The following FN1 variants were observed in gnomAD, a reference collection of about 807,000 sequenced individuals.
FN1 encodes the protein fibronectin.
In FN1, 106 loss-of-function variants were observed where a neutral mutation model predicts 297.3. The ratio of observed to expected loss-of-function variants is 0.36; its 90% CI spans 0.30 to 0.42. The LOEUF is 0.42. Ranked by LOEUF, FN1 falls within the 10% of genes least tolerant of loss-of-function variation. FN1 has a pLI of 1.00. For synonymous variants in FN1, 1,149 were observed against 1,152.6 expected, an observed-to-expected ratio of 1.00 and a Z score of 0.06; for missense variants, 2,690 against 3,124.9, an observed-to-expected ratio of 0.86 and a Z score of 3.32.
chr2:215,395,840 CAT>C (rs1288210341), intron 23 of FN1, among the ~76,000 whole-genome samples: 1 of 152,172 alleles, frequency 6.6e-6, no homozygotes, highest in Non-Finnish European at 1.5e-5. Flanking sequence ...AGTGGTCATC[CAT>C]ATGTGTGGGC....
At chr2:215,407,957 C>CG in intron 17 of FN1, 151 bp downstream of exon 17, 4 of 45,596 alleles carry the variant, frequency 8.8e-5, no homozygotes, top group Non-Finnish European at 1.3e-4. Flanking sequence ...ACCCCCGCCA[C>CG]ACACACACAC....
In FN1 at chr2:215,372,199, T is replaced by G. The variant is rs753630886; in HGVS notation, c.6424A>C (p.Ile2142Leu). The G allele has an allele frequency of 1.9e-6, 3 of 1,614,176 alleles. No individual in the cohort carries two copies. The highest frequency in any genetic ancestry group is 4.5e-5 in the East Asian group (2 of 44,876). ...GQQPSVGQQM[I>L]FEEHGFRRTT... is the part of the protein sequence containing the mutation. ...CGCCTAAAACCATGTTCCTCAAAGA[T>G]CATTTGTTGCCCAACACTGGGTTGC... Residue 2142 changes from isoleucine to leucine, a missense_variant, in exon 40 of 46, where the codon ATC becomes CTC. Coordinates refer to ENST00000354785, the MANE Select transcript of FN1 (RefSeq NM_212482.4).
chr2:215,383,275 T>TG, intron 31 of FN1, 53 bp downstream of exon 31: 1 of 1,587,934 alleles, frequency 6.3e-7, no homozygotes, highest in Non-Finnish European at 8.6e-7. Flanking sequence ...CCCAAAGTTC[T>TG]GGGATTATAG....
chr2:215,428,910 G>GA (rs2065969252), intron 5 of FN1, among the ~76,000 whole-genome samples: 1 of 152,144 alleles, frequency 6.6e-6, no homozygotes, highest in South Asian at 2.1e-4. Flanking sequence ...AGCTACTCGG[G>GA]AAGCTGAGGC....
At chr2:215,389,903 G>T (rs780755820) in intron 26 of FN1, among the ~76,000 whole-genome samples, 2 of 152,240 alleles carry the variant, frequency 1.3e-5, no homozygotes, top group Non-Finnish European at 2.9e-5. Context: ...AGCCTGTGCA[G>T]CATGTTACTG....
intron 36 of FN1, 81 bp from the exon 37 acceptor site, chr2:215,375,799 G>T: frequency 1.1e-6 from 1 of 894,434 alleles, no homozygotes; most frequent in Non-Finnish European, 1.9e-6. Flanking sequence ...AATTTTTCTG[G>T]GTTCTTCTAT....
intron 32 of FN1, chr2:215,381,884 A>G: frequency 2.7e-6 from 1 of 364,786 alleles, no homozygotes; most frequent in South Asian, 2.2e-5. Flanking sequence ...ACTTCAATCA[A>G]CTTTACCATC....
Position 215,392,931 on chromosome 2 carries a change from C to A in FN1, c.4069G>T (p.Ala1357Ser). 1.2e-6 allele frequency: 2 copies of A among 1,612,368 alleles called. No homozygotes were observed. Among genetic ancestry groups the A allele is most frequent in the African/African-American group, 2.7e-5 (2 of 74,960 alleles). Residue 1357 changes from alanine (A) to serine (S), a missense_variant and splice_region_variant, in exon 25 of 46, where the codon GCT becomes TCT. Around this residue, in one of 3 missense-constraint regions of FN1, gnomAD observed 1,743 missense variants for 1,945.2 expected, o/e 0.90. Coordinates refer to ENST00000354785, the MANE Select transcript of FN1 (RefSeq NM_212482.4). ...SAPTTLTQQT[A>S]VPPPTDLRFT... ...AAACGCAGAAGTTTTCAAAATTCAC[C>A]CGTTTGTTGTGTCAGTGTAGTAGGG...
chr2:215,432,366 C>T (rs2066677884), intron 3 of FN1, among the ~76,000 whole-genome samples: 1 of 152,138 alleles, frequency 6.6e-6, no homozygotes, highest in African/African-American at 2.4e-5. Flanking sequence ...GCATGGAGAG[C>T]CTGTATTTTA....
intron 1 of FN1, 75 bp downstream of exon 1, chr2:215,435,580 C>CT: frequency 6.3e-7 from 1 of 1,597,846 alleles, no homozygotes; most frequent in Non-Finnish European, 8.5e-7. Context: ...GCGCACAAAA[C>CT]TTCAGCCCCA....
chr2:215,428,794 G>A (rs1381859770), intron 5 of FN1, among the ~76,000 whole-genome samples: 2 of 152,132 alleles, frequency 1.3e-5, no homozygotes, highest in Non-Finnish European at 1.5e-5. Context: ...TGGATCACCT[G>A]CAGTCAGGAG....
rs1029853514 is a variant in FN1, at chr2:215,364,867, A to G, written c.7251+12T>C. On this transcript the variant is annotated intron_variant, in intron 44 of 45. Transcript: ENST00000354785. ...ATCTAACTTGTAGGGAGCCTGGCAC[A>G]TCCAGTCTTACCCGCTGGCCTCCAA... 2 of 1,535,430 alleles carry G rather than the reference A, an allele frequency of 1.3e-6. No homozygotes were observed. Among genetic ancestry groups the G allele is most frequent in the African/African-American group, 2.7e-5 (2 of 73,158 alleles).
Position 215,376,640 on chromosome 2 carries a change from A to G in FN1, c.5745T>C (p.Asp1915=). The G allele has an allele frequency of 6.2e-7, 1 of 1,613,718 alleles. No individual in the cohort carries two copies. Among genetic ancestry groups the G allele is most frequent in the South Asian group, 1.1e-5 (1 of 91,018 alleles). ...VSPPRRARVT[D]ATETTITISW... ...TAATGGTGATGGTGGTCTCAGTAGC[A>G]TCTGTCACACGAGCCCTTCTTGGTG... is the stretch of plus-strand genomic sequence containing the variant. Residue 1915 remains aspartate, a synonymous_variant, in exon 36 of 46, where the codon GAT becomes GAC. Transcript: ENST00000354785.
chr2:215,410,527 G>T (rs191980011), intron 13 of FN1, among the ~76,000 whole-genome samples: 4,603 of 140,854 alleles, frequency 0.033, 242 homozygotes, highest in African/African-American at 0.11. Context: ...TTTTTTTTGA[G>T]ACAGAGTTTT....
chr2:215,386,961 GT>G lies in FN1; in HGVS notation c.4343-4del. The stretch of plus-strand genomic sequence containing the variant: ...AATGCCAGTTGGGGAATCAAGACCT[GT>G]TTTTCCCACCCGGGGGAGGAAGAGA... On this transcript the variant is annotated splice_region_variant and splice_polypyrimidine_tract_variant and intron_variant, in intron 27 of 45. Transcript: ENST00000354785. 1.2e-6 allele frequency: 2 copies of G among 1,609,236 alleles called. No homozygotes were observed. Among genetic ancestry groups the G allele is most frequent in the Admixed American group, 1.7e-5 (1 of 59,558 alleles).
chr2:215,430,987 T>C (rs1228349201), intron 4 of FN1, 135 bp from the exon 5 acceptor site: 3 of 854,796 alleles, frequency 3.5e-6, no homozygotes, highest in South Asian at 1.4e-5. Flanking sequence ...TCAGAAAGAA[T>C]GACACACCCA....
chr2:215,433,959 G>A (rs1257411959), intron 2 of FN1, among the ~76,000 whole-genome samples: 1 of 152,194 alleles, frequency 6.6e-6, no homozygotes, highest in African/African-American at 2.4e-5. Context: ...AAAATTAGCT[G>A]GGTGTGGTGG....
chr2:215,434,949 A>C (rs2067206824), intron 1 of FN1, 125 bp from the exon 2 acceptor site: 3 of 1,078,810 alleles, frequency 2.8e-6, no homozygotes, highest in Non-Finnish European at 4.1e-6. Context: ...AGTTATATAC[A>C]ATGATGTCAT....
chr2:215,393,446 T>A lies in FN1; in HGVS notation c.3797-243A>T, dbSNP rs2692229. On this transcript the variant is annotated intron_variant, in intron 24 of 45. Coordinates refer to ENST00000354785, the MANE Select transcript of FN1 (RefSeq NM_212482.4). ...TTAGGGAATATATATATATATATAT[T>A]TTTTACATTTTGAAAACATCCTTAA... The A allele has an allele frequency of 5.5e-3, 850 of 154,144 alleles. 1 individual carries two copies. Among genetic ancestry groups the A allele is most frequent in the East Asian group, 0.034 (194 of 5,788 alleles). The allele number at this position is 154,144 out of a possible 1,614,324, so 9.5% of individuals were successfully genotyped here. A position where few individuals can be genotyped will look rare whatever the true frequency, so the allele number is the denominator to read the frequency against.
Sources: gnomAD v4.1 joint callset for allele counts (sites outside exome capture counted in the v4.1 genomes callset) on GRCh38, gnomAD v4.1.1 for gene constraint, gnomAD v4.1.1 regional missense constraint, MANE v1.5 for transcripts, NCBI Gene and HGNC (gene_info 2026-07-23, HGNC 2026-07-21) for gene names.